The following SVOPL variants were observed in gnomAD, a reference collection of about 807,000 sequenced individuals.
SVOPL encodes SVOP like.
In SVOPL, 60 loss-of-function variants were observed where a neutral mutation model predicts 61.0. The observed-to-expected ratio is 0.98, with a 90% CI of 0.80 to 1.22. The LOEUF (loss-of-function observed/expected upper bound fraction) is 1.22. Among genes scored for constraint, SVOPL ranks in the 50% most tolerant of loss-of-function variants. The pLI, the probability that SVOPL is intolerant of heterozygous loss-of-function variation, is 0.00. For synonymous variants in SVOPL, 279 were observed against 250.0 expected (o/e 1.12, Z -1.09); for missense variants, 662 against 643.9 (o/e 1.03, Z -0.30).
intron 9 of SVOPL, among the ~76,000 whole-genome samples, chr7:138,632,463 G>T (rs1800252488): frequency 6.6e-6 from 1 of 151,832 alleles, no homozygotes; most frequent in South Asian, 2.1e-4. Flanking sequence ...TGACTGTGAA[G>T]AAGATCACTT....
rs372636270 is a variant in SVOPL at position 138,667,451 on chromosome 7, C to T, written c.274-4306G>A. Among the ~76,000 whole-genome samples the T allele has an allele frequency of 8.5e-4, 130 of 152,338 alleles. No homozygotes were observed. The South Asian group carries it at 0.023, about 27-fold the overall frequency. On this transcript the variant is annotated intron_variant, in intron 4 of 15. Transcript: ENST00000674285. ...AAGCTCATCTTCCCAAGTGATGAGA[C>T]TCATTCTTCCCAGAAGATGAGACCA...
At chr7:138,679,941 C>T (rs1802662979) in intron 1 of SVOPL, among the ~76,000 whole-genome samples, 2 of 152,094 alleles carry the variant, frequency 1.3e-5, no homozygotes, top group Non-Finnish European at 2.9e-5. Flanking sequence ...GACTAAATGG[C>T]TAAATTAGAT....
At chr7:138,678,776 G>A (rs1391316735) in intron 2 of SVOPL, among the ~76,000 whole-genome samples, 188 bp downstream of exon 2, 1 of 152,078 alleles carries the variant, frequency 6.6e-6, no homozygotes, top group African/African-American at 2.4e-5. Context: ...TCACCATGTT[G>A]GCCAGGCAGG....
At chr7:138,617,611 G>A (rs893251760) in intron 14 of SVOPL, among the ~76,000 whole-genome samples, 1 of 152,112 alleles carries the variant, frequency 6.6e-6, no homozygotes, top group Non-Finnish European at 1.5e-5. Context: ...CACTTTGAAA[G>A]GCCAAGGTAG....
At chr7:138,677,769 A>ATTTTTTT (rs1288830252) in intron 3 of SVOPL, among the ~76,000 whole-genome samples, 1 of 72,634 alleles carries the variant, frequency 1.4e-5, no homozygotes, top group Admixed American at 1.6e-4. Flanking sequence ...TCATTTTATT[A>ATTTTTTT]TTTTTTTTTT....
At chr7:138,644,561 G>C (rs1800995766) in intron 9 of SVOPL, among the ~76,000 whole-genome samples, 156 bp downstream of exon 9, 1 of 152,198 alleles carries the variant, frequency 6.6e-6, no homozygotes, top group South Asian at 2.1e-4. Flanking sequence ...GGCTCACAGT[G>C]AAAATGAATG....
chr7:138,629,614 A>G (rs975923696), intron 10 of SVOPL, among the ~76,000 whole-genome samples: 5 of 152,098 alleles, frequency 3.3e-5, no homozygotes, highest in African/African-American at 9.7e-5. Context: ...CTTTTCCTTT[A>G]TAGTTAGCAT....
intron 13 of SVOPL, among the ~76,000 whole-genome samples, chr7:138,621,918 G>C (rs199646156): frequency 0.013 from 249 of 18,510 alleles, 11 homozygotes; most frequent in East Asian, 0.11. Context: ...ATCTATCTAT[G>C]TATCTATCTA....
intron 9 of SVOPL, among the ~76,000 whole-genome samples, chr7:138,639,909 T>C (rs927653040): frequency 2.3e-4 from 18 of 77,684 alleles, no homozygotes; most frequent in Admixed American, 2.2e-3. Context: ...TGCGCCACTA[T>C]GCCTGTTTTT....
chr7:138,650,125 C>T (rs1291632119), intron 7 of SVOPL, among the ~76,000 whole-genome samples: 1 of 152,218 alleles, frequency 6.6e-6, no homozygotes, highest in African/African-American at 2.4e-5. Flanking sequence ...CCACTGCATC[C>T]AGCAAAATTC....
At chr7:138,657,725 T>C (rs1180333282) in intron 6 of SVOPL, among the ~76,000 whole-genome samples, 1 of 152,210 alleles carries the variant, frequency 6.6e-6, no homozygotes, top group Non-Finnish European at 1.5e-5. Flanking sequence ...GCTCCAAAGC[T>C]CAAAGCTTAC....
At chr7:138,624,011 G>A (rs185536486) in intron 13 of SVOPL, among the ~76,000 whole-genome samples, 1 of 151,952 alleles carries the variant, frequency 6.6e-6, no homozygotes, top group African/African-American at 2.4e-5. Flanking sequence ...ATAGAGACGG[G>A]GTTTCACCAT....
At chr7:138,610,402 TACAC>T (rs565820167) in intron 14 of SVOPL, among the ~76,000 whole-genome samples, 1 of 152,058 alleles carries the variant, frequency 6.6e-6, no homozygotes, top group Non-Finnish European at 1.5e-5. Context: ...TGCATATTTA[TACAC>T]ACACACATAG....
intron 9 of SVOPL, among the ~76,000 whole-genome samples, chr7:138,636,277 A>C (rs1800463346): frequency 6.6e-6 from 1 of 152,176 alleles, no homozygotes; most frequent in Non-Finnish European, 1.5e-5. Context: ...TTTTAAAAAC[A>C]AAGTGGATAG....
At position 138,594,422 on chromosome 7, in the gene SVOPL, T is replaced by C. The variant is rs889713625; in HGVS notation, c.*188A>G. ...TTATATTTTATAAAAGTACTTTATATATTGTTCCTCAAGGAAGAGATCAAT... is the reference window on the plus strand; with the variant it reads ...TTATATTTTATAAAAGTACTTTATACATTGTTCCTCAAGGAAGAGATCAAT... On this transcript the variant is annotated 3_prime_UTR_variant, in exon 16 of 16. Coordinates refer to ENST00000674285, the MANE Select transcript of SVOPL (RefSeq NM_001139456.2). 43 of 401,624 alleles carry C rather than the reference T, an allele frequency of 1.1e-4. No homozygotes were observed. The highest frequency in any genetic ancestry group is 1.5e-4 in the Non-Finnish European group (33 of 226,528). 24.9% of individuals were successfully genotyped at this position (401,624 alleles called of 1,614,324 possible).
chr7:138,674,084 A>G lies in SVOPL; in HGVS notation c.175-1967T>C, dbSNP rs895122550. On this transcript the variant is annotated intron_variant, in intron 3 of 15. Transcript: ENST00000674285. ...GTGCCTATAATCCCAGCTACTCAGGAGGCTAAGGCAGGAGAATTGCTTGAA... is the reference window on the plus strand; with the variant it reads ...GTGCCTATAATCCCAGCTACTCAGGGGGCTAAGGCAGGAGAATTGCTTGAA... Among the ~76,000 whole-genome samples, 5 of 151,890 alleles carry G rather than the reference A, an allele frequency of 3.3e-5. 1 individual carries two copies.
chr7:138,608,626 A>T (rs1401025037), intron 14 of SVOPL, among the ~76,000 whole-genome samples: 1 of 152,106 alleles, frequency 6.6e-6, no homozygotes, highest in Non-Finnish European at 1.5e-5. Flanking sequence ...AAATGTGAGT[A>T]AGTTGGACAT....
rs141872777 is a variant in SVOPL, at chr7:138,700,266, C to T, written c.-35+912G>A. Among the ~76,000 whole-genome samples, 554 of 150,888 alleles carry T rather than the reference C, an allele frequency of 3.7e-3. 1 individual carries two copies. Among genetic ancestry groups the T allele is most frequent in the South Asian group, 8.0e-3 (38 of 4,746 alleles). On this transcript the variant is annotated intron_variant, in intron 1 of 15. Transcript: ENST00000674285. ...GAACATTATTGAGAGATAGAGCTTGCAATCTTAACTCAGCAATGGAATGCT... is the reference window on the plus strand; with the variant it reads ...GAACATTATTGAGAGATAGAGCTTGTAATCTTAACTCAGCAATGGAATGCT...
Position 138,627,391 on chromosome 7 carries a change from G to A in SVOPL, c.1140C>T (p.Cys380=), listed in dbSNP as rs1479329564. Reference sequence around the variant, plus strand: ...TGAGGAGAAGGAAGAATAAAGCCGTGCATCCCATGGTAATAGAAAGGCTCA... The same window carrying A: ...TGAGGAGAAGGAAGAATAAAGCCGTACATCCCATGGTAATAGAAAGGCTCA... The part of the protein sequence containing the change: ...RRLSLSITMG[C]TALFFLLLNI... The change falls in exon 12 of 16, where the codon TGC becomes TGT. Residue 380 remains cysteine, a synonymous_variant. Transcript: ENST00000674285. The A allele has an allele frequency of 1.2e-6, 2 of 1,613,680 alleles. No individual in the cohort carries two copies. Among genetic ancestry groups the A allele is most frequent in the Non-Finnish European group, 1.7e-6 (2 of 1,179,616 alleles).
Sources: allele counts gnomAD v4.1 joint callset (sites outside exome capture counted in the v4.1 genomes callset), GRCh38; gene constraint gnomAD v4.1.1; transcripts MANE v1.5; gene names NCBI Gene and HGNC (gene_info 2026-07-23, HGNC 2026-07-21).